Variants in TLL1 observed in about 807,000 individuals in gnomAD.
TLL1 encodes the protein tolloid-like protein 1.
A neutral mutation model predicts 128.2 loss-of-function variants in TLL1; 49 were observed. The observed-to-expected ratio is 0.38, with a 90% CI of 0.30 to 0.48. The LOEUF (loss-of-function observed/expected upper bound fraction) is 0.48, where lower values mean the gene tolerates loss of function less well. Among genes scored for constraint, TLL1 ranks in the 20% least tolerant of loss-of-function variants. The probability of loss-of-function intolerance (pLI) is 0.96; values close to 1 mark genes in which losing one functional copy is unlikely to be tolerated. For synonymous variants in TLL1, 454 were observed against 418.8 expected, an observed-to-expected ratio of 1.08 and a Z score of -1.03; for missense variants, 1,123 against 1,242.0, an observed-to-expected ratio of 0.90 and a Z score of 1.44.
rs377556165 is a variant in TLL1, at chr4:166,091,197, G to A, written c.2512G>A (p.Glu838Lys). 3.8e-5 allele frequency: 61 copies of A among 1,613,100 alleles called. No homozygotes were observed. Among genetic ancestry groups the A allele is most frequent in the Admixed American group, 5.0e-5 (3 of 59,916 alleles). The change falls in exon 19 of 21, where the codon GAA becomes AAA. Residue 838 changes from glutamate (E) to lysine (K), a missense_variant. Around this residue, in one of 3 missense-constraint regions of TLL1, gnomAD observed 634 missense variants for 672.4 expected, o/e 0.94. Transcript: ENST00000061240. ...AYDHLEVFDG[E>K]TEKSPILGRL... ...TGACCACTTAGAAGTATTTGATGGA[G>A]AAACAGAAAAGTCACCGATTCTTGG...
chr4:165,949,276 G>A (rs114360936), intron 1 of TLL1, among the ~76,000 whole-genome samples: 155 of 152,060 alleles, frequency 1.0e-3, no homozygotes, highest in African/African-American at 3.6e-3. Context: ...TTGATGCAAG[G>A]AACTGAATTT....
Position 166,100,890 on chromosome 4 carries a change from G to C in TLL1, c.*14G>C, listed in dbSNP as rs375683636. The stretch of plus-strand genomic sequence containing the variant: ...ACCAAAAAATAACACCAAAACCTCT[G>C]TCAGAACACAAAGGAATGTGCATAA... On this transcript the variant is annotated 3_prime_UTR_variant, in exon 21 of 21. Coordinates refer to ENST00000061240, the MANE Select transcript of TLL1 (RefSeq NM_012464.5). 15 of 1,611,682 alleles carry C rather than the reference G, an allele frequency of 9.3e-6. No homozygotes were observed. In the Middle Eastern group the frequency reaches 4.9e-4, roughly 53 times the overall value.
chr4:166,051,036 G>T (rs1739697056), intron 12 of TLL1, among the ~76,000 whole-genome samples: 1 of 151,970 alleles, frequency 6.6e-6, no homozygotes, highest in Non-Finnish European at 1.5e-5. Context: ...GAAGATATTA[G>T]GTCTGTTTAC....
intron 9 of TLL1, chr4:166,030,920 G>A: frequency 1.0e-6 from 1 of 981,754 alleles, no homozygotes; most frequent in Non-Finnish European, 1.2e-6. Flanking sequence ...ATAGTTGGCT[G>A]CACATTTAAC....
At chr4:166,071,877 T>A (rs956513960) in intron 16 of TLL1, among the ~76,000 whole-genome samples, 1 of 152,000 alleles carries the variant, frequency 6.6e-6, no homozygotes, top group African/African-American at 2.4e-5. Flanking sequence ...TTAACTCCCG[T>A]TCAAACAAGT....
intron 1 of TLL1, among the ~76,000 whole-genome samples, chr4:165,924,587 G>A (rs952092151): frequency 2.6e-5 from 4 of 152,206 alleles, no homozygotes; most frequent in Non-Finnish European, 5.9e-5. Flanking sequence ...TAACCTAAAA[G>A]TGCAAGGTGA....
At chr4:166,079,694 T>G (rs1431020558) in intron 18 of TLL1, among the ~76,000 whole-genome samples, 1 of 152,114 alleles carries the variant, frequency 6.6e-6, no homozygotes, top group African/African-American at 2.4e-5. Context: ...TATTGTGGGG[T>G]CTGTCATTAA....
At chr4:165,950,857 AAG>A (rs1342534833) in intron 1 of TLL1, among the ~76,000 whole-genome samples, 1 of 152,056 alleles carries the variant, frequency 6.6e-6, no homozygotes, top group Non-Finnish European at 1.5e-5. Context: ...AATCTGGAAA[AAG>A]AACAGAAAAC....
intron 1 of TLL1, among the ~76,000 whole-genome samples, chr4:165,888,792 C>T (rs146175968): frequency 1.3e-5 from 2 of 152,238 alleles, no homozygotes; most frequent in East Asian, 3.9e-4. Context: ...AATTTTCATT[C>T]TTCCTTATAC....
At chr4:165,956,517 C>G (rs1043924865) in intron 1 of TLL1, among the ~76,000 whole-genome samples, 4 of 150,046 alleles carry the variant, frequency 2.7e-5, no homozygotes, top group African/African-American at 1.0e-4. Context: ...TTTATAGGCT[C>G]TCTGCAAGAA....
At chr4:165,890,340 T>TA (rs1731342251) in intron 1 of TLL1, among the ~76,000 whole-genome samples, 1 of 152,164 alleles carries the variant, frequency 6.6e-6, no homozygotes, top group African/African-American at 2.4e-5. Context: ...GCTTTCCTAA[T>TA]AGTCCCCCAA....
intron 1 of TLL1, among the ~76,000 whole-genome samples, chr4:165,883,228 A>G (rs928794951): frequency 2.6e-5 from 4 of 152,184 alleles, no homozygotes; most frequent in African/African-American, 7.2e-5. Flanking sequence ...AACTTTGTTA[A>G]TATCTCCCAG....
chr4:166,034,699 A>G (rs959349413), intron 9 of TLL1, among the ~76,000 whole-genome samples: 5 of 152,210 alleles, frequency 3.3e-5, no homozygotes, highest in African/African-American at 1.2e-4. Context: ...TATCACCTAT[A>G]GGATTTGACA....
chr4:166,102,177 T>A lies in TLL1; in HGVS notation c.*1301T>A, dbSNP rs1157034894. ...GAATTCCTGCACATGATCAAACAGA[T>A]CCTCCTAAAACACACCTTTTGAAAT... is the stretch of plus-strand genomic sequence containing the variant. On this transcript the variant is annotated 3_prime_UTR_variant, in exon 21 of 21. Coordinates refer to ENST00000061240, the MANE Select transcript of TLL1 (RefSeq NM_012464.5). The A allele has an allele frequency of 6.6e-6, 1 of 152,370 alleles. No homozygotes were observed. The highest frequency in any genetic ancestry group is 1.5e-5 in the Non-Finnish European group (1 of 67,922). The allele number at this position is 152,370 out of a possible 1,614,324, so 9.4% of individuals were successfully genotyped here.
chr4:165,960,986 GA>G (rs1735071272), intron 1 of TLL1, among the ~76,000 whole-genome samples: 1 of 152,044 alleles, frequency 6.6e-6, no homozygotes, highest in Non-Finnish European at 1.5e-5. Flanking sequence ...AATCAGGCAA[GA>G]GAAAGAAATA....
At chr4:165,910,273 G>C (rs1029551927) in intron 1 of TLL1, among the ~76,000 whole-genome samples, 3 of 152,160 alleles carry the variant, frequency 2.0e-5, no homozygotes, top group Admixed American at 2.0e-4. Context: ...GTAACTTCTT[G>C]GGAGCAGATG....
chr4:165,967,338 G>C (rs919904849), intron 1 of TLL1, among the ~76,000 whole-genome samples: 3 of 152,148 alleles, frequency 2.0e-5, no homozygotes, highest in African/African-American at 7.2e-5. Flanking sequence ...TACATCCTCA[G>C]CTTATGAAGA....
chr4:166,031,678 T>C (rs183201335), intron 9 of TLL1, among the ~76,000 whole-genome samples: 2 of 152,212 alleles, frequency 1.3e-5, no homozygotes, highest in East Asian at 3.9e-4. Flanking sequence ...TTAAGTTTTT[T>C]TGATTCCAAT....
At chr4:165,885,523 T>A (rs752144493) in intron 1 of TLL1, among the ~76,000 whole-genome samples, 16 of 152,120 alleles carry the variant, frequency 1.1e-4, no homozygotes, top group Non-Finnish European at 2.1e-4. Flanking sequence ...TCTGCCAGAA[T>A]TAGCCCCGAA....
Sources: gnomAD v4.1 joint callset for allele counts (sites outside exome capture counted in the v4.1 genomes callset) on GRCh38, gnomAD v4.1.1 for gene constraint, gnomAD v4.1.1 regional missense constraint, MANE v1.5 for transcripts, NCBI Gene and HGNC (gene_info 2026-07-23, HGNC 2026-07-21) for gene names.